FBXW7: variants seen among roughly 807,000 people sequenced by gnomAD.
The protein encoded by FBXW7 is F-box/WD repeat-containing protein 7.
Under a neutral mutation model 86.3 loss-of-function variants are expected in FBXW7, and 11 were observed. That is an observed-to-expected ratio of 0.13 (90% CI 0.08 to 0.21). The LOEUF (loss-of-function observed/expected upper bound fraction) is 0.21. FBXW7 is among the 10% of genes least tolerant of loss of function. The probability of loss-of-function intolerance (pLI) is 1.00; values close to 1 mark genes in which losing one functional copy is unlikely to be tolerated. For missense variants in FBXW7, 488 were observed against 847.4 expected (o/e 0.58, Z 5.27); for synonymous variants, 313 against 297.9 (o/e 1.05, Z -0.52).
At chr4:152,516,290 A>C (rs752332812) in intron 2 of FBXW7, among the ~76,000 whole-genome samples, 1 of 152,228 alleles carries the variant, frequency 6.6e-6, no homozygotes, top group East Asian at 1.9e-4. Flanking sequence ...CAGGTGGAGT[A>C]TTATCGCCTG....
In FBXW7 at chr4:152,329,794, A is replaced by T; in HGVS notation, c.1123-9T>A. The T allele has an allele frequency of 2.1e-6, 3 of 1,458,224 alleles. No homozygotes were observed. Among genetic ancestry groups the T allele is most frequent in the Non-Finnish European group, 2.8e-6 (3 of 1,082,232 alleles). 90.3% of individuals were successfully genotyped at this position (1,458,224 alleles called of 1,614,324 possible). On this transcript the variant is annotated splice_polypyrimidine_tract_variant and intron_variant, in intron 9 of 13. Coordinates refer to ENST00000281708, the MANE Select transcript of FBXW7 (RefSeq NM_001349798.2). Reference sequence around the variant, plus strand: ...TCATGTCCTTTCAGCACCTATAAGAAAGATGTGCAGATTAGAAATATGTTA... The same window carrying T: ...TCATGTCCTTTCAGCACCTATAAGATAGATGTGCAGATTAGAAATATGTTA...
intron 2 of FBXW7, among the ~76,000 whole-genome samples, chr4:152,450,337 G>T (rs185119813): frequency 9.7e-4 from 147 of 152,222 alleles, no homozygotes; most frequent in African/African-American, 3.3e-3. Flanking sequence ...AATTGAACTG[G>T]GTATTGCCAA....
At position 152,337,936 on chromosome 4, in the gene FBXW7, T is replaced by A. The variant is rs368613046; in HGVS notation, c.727A>T (p.Ser243Cys). ...AGCAATTTCTCTGGTCCACTCCAGC[T>A]CTATCAAAGAGAATTAGAAATTTTT... is the stretch of plus-strand genomic sequence containing the variant. ...GLQEWLKMFQ[S>C]WSGPEKLLAL... Residue 243 changes from serine (S) to cysteine (C), a missense_variant and splice_region_variant, in exon 7 of 14, where the codon AGC becomes TGC. Physicochemically the swap from Ser to Cys is moderately radical, Grantham distance 112 (BLOSUM62 -1). Transcript: ENST00000281708. The A allele has an allele frequency of 6.3e-7, 1 of 1,595,684 alleles. No homozygotes were observed. Among genetic ancestry groups the A allele is most frequent in the Non-Finnish European group, 8.5e-7 (1 of 1,175,108 alleles).
intron 7 of FBXW7, among the ~76,000 whole-genome samples, chr4:152,333,767 T>G (rs1729799452): frequency 6.6e-6 from 1 of 152,086 alleles, no homozygotes; most frequent in Non-Finnish European, 1.5e-5. Context: ...AAGGAATTCA[T>G]CATGGGCTGG....
At chr4:152,479,112 C>T (rs1744658344) in intron 2 of FBXW7, among the ~76,000 whole-genome samples, 1 of 152,080 alleles carries the variant, frequency 6.6e-6, no homozygotes, top group Admixed American at 6.6e-5. Flanking sequence ...AGTGAATGTC[C>T]TTCCAAGCAA....
intron 4 of FBXW7, among the ~76,000 whole-genome samples, chr4:152,364,483 T>C (rs1733276644): frequency 6.6e-6 from 1 of 152,206 alleles, no homozygotes; most frequent in Admixed American, 6.6e-5. Context: ...TGAAAGAAAC[T>C]GCTTCAAATG....
chr4:152,397,237 T>TA (rs1426492491), intron 4 of FBXW7, among the ~76,000 whole-genome samples: 1 of 151,942 alleles, frequency 6.6e-6, no homozygotes, highest in African/African-American at 2.4e-5. Flanking sequence ...ACACAGAAAT[T>TA]AATAATGAAA....
chr4:152,377,582 T>A (rs1452297509), intron 4 of FBXW7, among the ~76,000 whole-genome samples: 3 of 145,440 alleles, frequency 2.1e-5, no homozygotes, highest in Non-Finnish European at 4.5e-5. Context: ...TGGAGCCCTG[T>A]CTCTACTAAA....
At chr4:152,444,455 A>C (rs149177060) in intron 2 of FBXW7, among the ~76,000 whole-genome samples, 1 of 152,138 alleles carries the variant, frequency 6.6e-6, no homozygotes, top group Non-Finnish European at 1.5e-5. Context: ...CTTAGGAATT[A>C]TCTCTATAAT....
At chr4:152,418,100 T>C (rs1738607541) in intron 2 of FBXW7, among the ~76,000 whole-genome samples, 1 of 151,128 alleles carries the variant, frequency 6.6e-6, no homozygotes. Flanking sequence ...ACAAAGGTCA[T>C]TTCACTCATT....
intron 2 of FBXW7, among the ~76,000 whole-genome samples, chr4:152,417,260 T>C (rs1487135606): frequency 2.6e-5 from 4 of 152,182 alleles, no homozygotes; most frequent in African/African-American, 9.7e-5. Flanking sequence ...CCCCACAACA[T>C]GCACACATAC....
chr4:152,535,368 C>G lies in FBXW7; in HGVS notation c.-454G>C, dbSNP rs1276314777. 2.7e-6 allele frequency: 1 copy of G among 376,328 alleles called. No homozygotes were observed. The highest frequency in any genetic ancestry group is 4.7e-6 in the Non-Finnish European group (1 of 212,162). 23.3% of individuals were successfully genotyped at this position (376,328 alleles called of 1,614,324 possible). On this transcript the variant is annotated 5_prime_UTR_variant, in exon 1 of 14. Transcript: ENST00000281708. ...AGCCAAGGAGCCGGGGGGCCGGCGA[C>G]TGGCCAAGGGAGAAGACCCCCGGAG... is the stretch of plus-strand genomic sequence containing the variant.
intron 2 of FBXW7, among the ~76,000 whole-genome samples, chr4:152,501,768 CTCT>C (rs1746974398): frequency 6.6e-6 from 1 of 152,098 alleles, no homozygotes; most frequent in African/African-American, 2.4e-5. Context: ...CAAAATTACT[CTCT>C]TTTTTTGGTT....
intron 4 of FBXW7, among the ~76,000 whole-genome samples, chr4:152,378,107 C>T (rs1200485627): frequency 2.6e-5 from 4 of 152,106 alleles, no homozygotes; most frequent in Non-Finnish European, 5.9e-5. Context: ...ACTACACGGT[C>T]CACAAAGCCT....
intron 4 of FBXW7, among the ~76,000 whole-genome samples, chr4:152,405,689 C>T (rs1212435996): frequency 6.6e-6 from 1 of 152,166 alleles, no homozygotes. Context: ...CACTGACCCT[C>T]CAATTTTTAT....
At chr4:152,499,130 T>C (rs75186273) in intron 2 of FBXW7, among the ~76,000 whole-genome samples, 7,429 of 152,136 alleles carry the variant, frequency 0.049, 302 homozygotes, top group African/African-American at 0.11. Flanking sequence ...ATTGTTCCCA[T>C]CCTTCAGCCC....
intron 2 of FBXW7, among the ~76,000 whole-genome samples, chr4:152,435,672 G>A (rs548033369): frequency 6.6e-4 from 101 of 152,018 alleles, no homozygotes; most frequent in African/African-American, 2.2e-3. Flanking sequence ...TTTTTTCTGC[G>A]GGTTTGTTTT....
intron 4 of FBXW7, chr4:152,382,220 A>T: frequency 6.4e-7 from 1 of 1,563,642 alleles, no homozygotes; most frequent in Non-Finnish European, 8.7e-7. Flanking sequence ...GCCTTGGGCA[A>T]TGATGCTAAT....
Position 152,334,060 on chromosome 4 carries a change from A to C in FBXW7, c.862-1341T>G, listed in dbSNP as rs886636547. 4.7e-4 allele frequency among the ~76,000 whole-genome samples: 72 copies of C among 151,988 alleles called. 1 individual carries two copies. The highest frequency in any genetic ancestry group is 2.8e-3 in the Admixed American group (42 of 15,260). On this transcript the variant is annotated intron_variant, in intron 7 of 13. Coordinates refer to ENST00000281708, the MANE Select transcript of FBXW7 (RefSeq NM_001349798.2). ...CAGACCAAGATTCTGTCTCAACAACAACAACAACAACAACAACAACAACTC... is the reference window on the plus strand; with the variant it reads ...CAGACCAAGATTCTGTCTCAACAACCACAACAACAACAACAACAACAACTC...
Sources: allele counts gnomAD v4.1 joint callset (sites outside exome capture counted in the v4.1 genomes callset), GRCh38; gene constraint gnomAD v4.1.1; transcripts MANE v1.5; gene names NCBI Gene and HGNC (gene_info 2026-07-23, HGNC 2026-07-21).